Variants in SLC24A3 observed in about 807,000 individuals in gnomAD.
The protein encoded by SLC24A3 is solute carrier family 24 member 3.
SLC24A3 carries 28 observed loss-of-function variants against 75.8 expected under a neutral mutation model. That is an observed-to-expected ratio of 0.37 (90% CI 0.27 to 0.51). The LOEUF (loss-of-function observed/expected upper bound fraction) is 0.51. SLC24A3 is among the 20% of genes least tolerant of loss of function. The pLI, the probability that SLC24A3 is intolerant of heterozygous loss-of-function variation, is 0.94. For synonymous variants in SLC24A3, 372 were observed against 334.1 expected (o/e 1.11, Z -1.24); for missense variants, 663 against 847.8 (o/e 0.78, Z 2.71).
At chr20:19,476,732 C>A (rs2122513594) in intron 2 of SLC24A3, among the ~76,000 whole-genome samples, 1 of 152,216 alleles carries the variant, frequency 6.6e-6, no homozygotes, top group African/African-American at 2.4e-5. Flanking sequence ...AGTATGGGGC[C>A]TTCCGTAGCA....
intron 1 of SLC24A3, among the ~76,000 whole-genome samples, chr20:19,267,519 T>C (rs1983202810): frequency 6.6e-6 from 1 of 152,238 alleles, no homozygotes; most frequent in South Asian, 2.1e-4. Flanking sequence ...AAAATCCATT[T>C]TTTTAAAATA....
chr20:19,432,869 ACTGT>A (rs769923092), intron 2 of SLC24A3, among the ~76,000 whole-genome samples: 3 of 152,188 alleles, frequency 2.0e-5, no homozygotes, highest in Non-Finnish European at 4.4e-5. Flanking sequence ...GGTGGTTGTA[ACTGT>A]CTGCTTTTTA....
At chr20:19,248,530 C>A (rs1452587569) in intron 1 of SLC24A3, among the ~76,000 whole-genome samples, 1 of 152,068 alleles carries the variant, frequency 6.6e-6, no homozygotes, top group Non-Finnish European at 1.5e-5. Flanking sequence ...GAAAAGGGAA[C>A]CCTAGTACCC....
rs191478530 is a variant in SLC24A3, at chr20:19,253,044, C to T, written c.143-27915C>T. 2.6e-5 allele frequency among the ~76,000 whole-genome samples: 4 copies of T among 152,292 alleles called. No homozygotes were observed. The East Asian group carries it at 5.8e-4, about 22-fold the overall frequency. On this transcript the variant is annotated intron_variant, in intron 1 of 16. Coordinates refer to ENST00000328041, the MANE Select transcript of SLC24A3 (RefSeq NM_020689.4). ...AATTCTTGGACACTTGGGCTTCCCA[C>T]GGGGTTAGGCAATCCTGCTGCTCCT...
intron 2 of SLC24A3, among the ~76,000 whole-genome samples, chr20:19,454,023 T>C (rs1161414065): frequency 6.6e-6 from 1 of 152,268 alleles, no homozygotes; most frequent in Non-Finnish European, 1.5e-5. Context: ...CAGATGCTAA[T>C]GAATTATTCC....
chr20:19,417,482 A>G (rs751090960), intron 2 of SLC24A3, among the ~76,000 whole-genome samples: 2 of 152,238 alleles, frequency 1.3e-5, no homozygotes, highest in Non-Finnish European at 2.9e-5. Flanking sequence ...TCAGTGAACT[A>G]GAGACAGTGG....
At chr20:19,366,421 C>T (rs1346355894) in intron 2 of SLC24A3, among the ~76,000 whole-genome samples, 1 of 152,182 alleles carries the variant, frequency 6.6e-6, no homozygotes, top group African/African-American at 2.4e-5. Context: ...TGAAAGGAGG[C>T]CTCTGAAGAG....
chr20:19,263,895 G>A (rs1326256555), intron 1 of SLC24A3, among the ~76,000 whole-genome samples: 1 of 152,118 alleles, frequency 6.6e-6, no homozygotes, highest in South Asian at 2.1e-4. Context: ...GGATATTTTA[G>A]TTCTGGTGTC....
At chr20:19,348,491 C>T (rs140597720) in intron 2 of SLC24A3, among the ~76,000 whole-genome samples, 2 of 152,254 alleles carry the variant, frequency 1.3e-5, no homozygotes, top group East Asian at 1.9e-4. Flanking sequence ...AAAGCATATT[C>T]GGCCTCTCCC....
chr20:19,270,148 C>T (rs1250004513), intron 1 of SLC24A3, among the ~76,000 whole-genome samples: 1 of 152,178 alleles, frequency 6.6e-6, no homozygotes, highest in Non-Finnish European at 1.5e-5. Flanking sequence ...TTGGGGTGCA[C>T]ATTTGCATAT....
intron 4 of SLC24A3, 78 bp downstream of exon 4, chr20:19,580,152 A>C: frequency 7.5e-7 from 1 of 1,325,732 alleles, no homozygotes; most frequent in Non-Finnish European, 1.1e-6. Flanking sequence ...CAGCCTCCTC[A>C]CCAAAGTCCT....
chr20:19,323,074 C>T (rs1372489575), intron 2 of SLC24A3, among the ~76,000 whole-genome samples: 1 of 151,068 alleles, frequency 6.6e-6, no homozygotes, highest in Non-Finnish European at 1.5e-5. Flanking sequence ...GGCGTGGTAG[C>T]GGGCGCCTGT....
At chr20:19,542,556 G>A (rs1204760414) in intron 3 of SLC24A3, among the ~76,000 whole-genome samples, 1 of 152,174 alleles carries the variant, frequency 6.6e-6, no homozygotes, top group Non-Finnish European at 1.5e-5. Context: ...GCGTCTGGGG[G>A]CTGATAGTCA....
At chr20:19,422,424 C>T (rs1191694989) in intron 2 of SLC24A3, among the ~76,000 whole-genome samples, 1 of 152,106 alleles carries the variant, frequency 6.6e-6, no homozygotes, top group Non-Finnish European at 1.5e-5. Context: ...GGCTGCACCT[C>T]CATGGTTCTG....
intron 6 of SLC24A3, among the ~76,000 whole-genome samples, chr20:19,594,482 T>C (rs2031424321): frequency 1.3e-5 from 2 of 152,256 alleles, no homozygotes; most frequent in South Asian, 2.1e-4. Context: ...GTCCACTGAT[T>C]GTGTTCTAGG....
At chr20:19,455,959 A>T (rs1600236692) in intron 2 of SLC24A3, among the ~76,000 whole-genome samples, 1 of 152,222 alleles carries the variant, frequency 6.6e-6, no homozygotes, top group Non-Finnish European at 1.5e-5. Context: ...CCTGTGTTGG[A>T]TATTTTGACA....
intron 4 of SLC24A3, among the ~76,000 whole-genome samples, chr20:19,581,267 G>A (rs1288679882): frequency 6.6e-6 from 1 of 152,172 alleles, no homozygotes; most frequent in African/African-American, 2.4e-5. Context: ...TTCCTCACCT[G>A]TAACTGGAGT....
At chr20:19,484,581 C>T (rs746564062) in intron 2 of SLC24A3, among the ~76,000 whole-genome samples, 28 of 152,160 alleles carry the variant, frequency 1.8e-4, no homozygotes, top group South Asian at 6.2e-4. Context: ...GTGAAATAAA[C>T]CGGTCACAAA....
intron 1 of SLC24A3, among the ~76,000 whole-genome samples, chr20:19,219,515 TC>T (rs1981651206): frequency 6.6e-6 from 1 of 152,162 alleles, no homozygotes. Context: ...CAAGTAATTT[TC>T]ATGAATTATG....
Sources: allele counts gnomAD v4.1 joint callset (sites outside exome capture counted in the v4.1 genomes callset), GRCh38; gene constraint gnomAD v4.1.1; transcripts MANE v1.5; gene names NCBI Gene and HGNC (gene_info 2026-07-23, HGNC 2026-07-21).